The following RAB7A variants were observed in gnomAD, a reference collection of about 807,000 sequenced individuals.
RAB7A encodes RAB7A, member RAS oncogene family.
RAB7A carries 2 observed loss-of-function variants against 24.5 expected under a neutral mutation model. That is an observed-to-expected ratio of 0.08 (90% CI 0.03 to 0.26). The LOEUF (loss-of-function observed/expected upper bound fraction) is 0.26. Among genes scored for constraint, RAB7A ranks in the 10% least tolerant of loss-of-function variants. RAB7A has a pLI of 1.00. For missense variants in RAB7A, 118 were observed against 255.7 expected, an observed-to-expected ratio of 0.46 and a Z score of 3.67; for synonymous variants, 100 against 95.9, an observed-to-expected ratio of 1.04 and a Z score of -0.25.
intron 1 of RAB7A, among the ~76,000 whole-genome samples, chr3:128,758,274 G>GTTTTT (rs35360318): frequency 7.9e-6 from 1 of 126,726 alleles, no homozygotes. Context: ...TTGTTTTTTT[G>GTTTTT]TTTTTTTTTT....
At chr3:128,752,481 G>T (rs1479501941) in intron 1 of RAB7A, among the ~76,000 whole-genome samples, 7 of 151,908 alleles carry the variant, frequency 4.6e-5, no homozygotes, top group Admixed American at 3.9e-4. Context: ...AGACAAAGTA[G>T]AGAAAAAAGA....
intron 1 of RAB7A, among the ~76,000 whole-genome samples, chr3:128,743,092 A>C (rs1011621200): frequency 3.3e-5 from 5 of 152,178 alleles, no homozygotes; most frequent in Non-Finnish European, 7.4e-5. Context: ...AGGCCTGGTG[A>C]GAATTCGAAT....
chr3:128,791,431 G>A (rs868440742), intron 1 of RAB7A, among the ~76,000 whole-genome samples: 3 of 152,134 alleles, frequency 2.0e-5, no homozygotes, highest in Non-Finnish European at 4.4e-5. Context: ...GTGAGCCACC[G>A]CGCCTGGCCA....
Position 128,788,473 on chromosome 3 carries a change from A to G in RAB7A, c.-8-6887A>G, listed in dbSNP as rs570238049. 3.3e-5 allele frequency among the ~76,000 whole-genome samples: 5 copies of G among 152,300 alleles called. No individual in the cohort carries two copies. In the East Asian group the frequency reaches 9.6e-4, roughly 29 times the overall value. Reference sequence around the variant, plus strand: ...TTAGTTACAATGGAAAAAGCATTAAATTTGTAGGTGGAAAACATGAACATC... The same window carrying G: ...TTAGTTACAATGGAAAAAGCATTAAGTTTGTAGGTGGAAAACATGAACATC... On this transcript the variant is annotated intron_variant, in intron 1 of 5. Transcript: ENST00000265062.
intron 1 of RAB7A, among the ~76,000 whole-genome samples, chr3:128,776,509 T>G (rs1012864745): frequency 3.9e-5 from 6 of 152,226 alleles, no homozygotes; most frequent in African/African-American, 1.4e-4. Context: ...GGTCTCAAAC[T>G]CTTGGGCTCA....
intron 1 of RAB7A, among the ~76,000 whole-genome samples, chr3:128,762,048 C>T (rs183829179): frequency 2.0e-5 from 3 of 152,268 alleles, no homozygotes; most frequent in Admixed American, 6.5e-5. Context: ...AAATAAACTT[C>T]ATGGTACTTA....
chr3:128,807,434 C>T lies in RAB7A; in HGVS notation c.400-109C>T, dbSNP rs1195145266. The T allele has an allele frequency of 2.6e-6, 4 of 1,524,962 alleles. No individual in the cohort carries two copies. In the East Asian group the frequency reaches 6.8e-5, roughly 26 times the overall value. The allele number at this position is 1,524,962 out of a possible 1,614,324, so 94.5% of individuals were successfully genotyped here. A position where few individuals can be genotyped will look rare whatever the true frequency, so the allele number is the denominator to read the frequency against. ...CACCCTCTTTCCCCATGTCTGTGTC[C>T]TCACCTGTACTACCTGTAGACGAGG... On this transcript the variant is annotated intron_variant, in intron 4 of 5. Transcript: ENST00000265062.
intron 1 of RAB7A, among the ~76,000 whole-genome samples, chr3:128,769,085 G>A (rs887717503): frequency 1.4e-5 from 2 of 147,958 alleles, no homozygotes; most frequent in African/African-American, 5.0e-5. Context: ...GTAGAGACAG[G>A]GTCTTGCCAT....
intron 1 of RAB7A, among the ~76,000 whole-genome samples, chr3:128,745,366 CT>C (rs1002571011): frequency 6.6e-6 from 1 of 151,022 alleles, no homozygotes; most frequent in Non-Finnish European, 1.5e-5. Context: ...TAAGAATCAT[CT>C]TTTTTTTTGT....
At chr3:128,728,415 C>T (rs1206710313) in intron 1 of RAB7A, among the ~76,000 whole-genome samples, 1 of 152,134 alleles carries the variant, frequency 6.6e-6, no homozygotes, top group South Asian at 2.1e-4. Flanking sequence ...TAAAGAGTAA[C>T]CTTCAACACT....
chr3:128,787,801 C>G (rs550426767), intron 1 of RAB7A, among the ~76,000 whole-genome samples: 15 of 152,208 alleles, frequency 9.9e-5, no homozygotes, highest in Admixed American at 9.8e-4. Flanking sequence ...GCCTTAAACT[C>G]CTGGGCTCAA....
At chr3:128,739,845 G>C (rs1025795154) in intron 1 of RAB7A, among the ~76,000 whole-genome samples, 30 of 152,308 alleles carry the variant, frequency 2.0e-4, no homozygotes, top group African/African-American at 7.0e-4. Context: ...CAAGGCGGGT[G>C]GATCACTTGA....
chr3:128,759,788 C>T (rs759577781), intron 1 of RAB7A, among the ~76,000 whole-genome samples: 5 of 152,090 alleles, frequency 3.3e-5, no homozygotes, highest in Non-Finnish European at 5.9e-5. Flanking sequence ...TGGCTCACTG[C>T]AACCTCCGCT....
At chr3:128,749,712 C>T (rs1458192892) in intron 1 of RAB7A, among the ~76,000 whole-genome samples, 9 of 152,152 alleles carry the variant, frequency 5.9e-5, no homozygotes, top group African/African-American at 9.7e-5. Flanking sequence ...CCTGCACAAG[C>T]GCTCCTCTCT....
intron 3 of RAB7A, among the ~76,000 whole-genome samples, chr3:128,805,568 T>G (rs1223029851): frequency 6.6e-6 from 1 of 152,220 alleles, no homozygotes; most frequent in Non-Finnish European, 1.5e-5. Flanking sequence ...GATCTCTTTT[T>G]GTCAAGAGTT....
chr3:128,788,342 A>C (rs141240064), intron 1 of RAB7A, among the ~76,000 whole-genome samples: 5 of 152,264 alleles, frequency 3.3e-5, no homozygotes, highest in Admixed American at 3.3e-4. Context: ...TTGTGAGAAC[A>C]TATTTTCTAT....
At chr3:128,773,906 A>G (rs966474788) in intron 1 of RAB7A, among the ~76,000 whole-genome samples, 2 of 151,238 alleles carry the variant, frequency 1.3e-5, no homozygotes, top group Non-Finnish European at 2.9e-5. Flanking sequence ...AGTCATCACC[A>G]CTCCCTAATC....
At chr3:128,751,067 T>C (rs769602220) in intron 1 of RAB7A, among the ~76,000 whole-genome samples, 30 of 152,178 alleles carry the variant, frequency 2.0e-4, no homozygotes, top group Non-Finnish European at 3.2e-4. Context: ...TGCCTAGATT[T>C]CAGAGGATGC....
intron 1 of RAB7A, among the ~76,000 whole-genome samples, chr3:128,779,729 G>A (rs748711049): frequency 6.6e-6 from 1 of 152,112 alleles, no homozygotes; most frequent in Non-Finnish European, 1.5e-5. Context: ...GTAGCTGGGA[G>A]TAGGCACGAT....
Sources: gnomAD v4.1 joint callset for allele counts (sites outside exome capture counted in the v4.1 genomes callset) on GRCh38, gnomAD v4.1.1 for gene constraint, MANE v1.5 for transcripts, NCBI Gene and HGNC (gene_info 2026-07-23, HGNC 2026-07-21) for gene names.